SLC3A1: variants seen among roughly 807,000 people sequenced by gnomAD.
SLC3A1 encodes the protein amino acid transporter heavy chain SLC3A1.
SLC3A1 carries 78 observed loss-of-function variants against 60.3 expected under a neutral mutation model. The observed-to-expected ratio is 1.29, with a 90% CI of 1.08 to 1.56. The LOEUF is 1.56. Ranked by LOEUF, SLC3A1 falls within the 40% of genes most tolerant of loss-of-function variation. SLC3A1 has a pLI of 0.00. For missense variants in SLC3A1, 1,172 were observed against 858.9 expected, an observed-to-expected ratio of 1.36 and a Z score of -4.56; for synonymous variants, 392 against 307.9, an observed-to-expected ratio of 1.27 and a Z score of -2.86.
intron 9 of SLC3A1, chr2:44,319,447 T>C (rs948014518): frequency 6.6e-6 from 1 of 152,424 alleles, no homozygotes; most frequent in Admixed American, 6.5e-5. Context: ...TGAAAGGGCA[T>C]GGCTGAGTAT....
At chr2:44,281,259 A>T in intron 2 of SLC3A1, 128 bp from the exon 3 acceptor site, 2 of 818,972 alleles carry the variant, frequency 2.4e-6, no homozygotes, top group Non-Finnish European at 4.1e-6. Flanking sequence ...CCTGGGCTCA[A>T]GCAATCCTCC....
At chr2:44,321,780 G>T, downstream of SLC3A1, 1 of 1,613,632 alleles carries the variant, frequency 6.2e-7, no homozygotes, top group Non-Finnish European at 8.5e-7. Flanking sequence ...AAAACAACAT[G>T]TATCTAGTTC....
In SLC3A1 at chr2:44,286,019, C is replaced by T. The variant is rs1279423281; in HGVS notation, c.766-13C>T. On this transcript the variant is annotated splice_polypyrimidine_tract_variant and intron_variant, in intron 3 of 9. Coordinates refer to ENST00000260649, the MANE Select transcript of SLC3A1 (RefSeq NM_000341.4). ...TTATAGGTCACTGATGTGCTGTTTTCTTTGTTTGCCAGTTAAGTGTGTATG... is the reference window on the plus strand; with the variant it reads ...TTATAGGTCACTGATGTGCTGTTTTTTTTGTTTGCCAGTTAAGTGTGTATG... The T allele has an allele frequency of 5.6e-6, 9 of 1,613,924 alleles. No individual in the cohort carries two copies. Among genetic ancestry groups the T allele is most frequent in the Non-Finnish European group, 7.6e-6 (9 of 1,179,942 alleles).
At chr2:44,280,403 TA>T (rs1489677875) in intron 1 of SLC3A1, among the ~76,000 whole-genome samples, 1 of 152,142 alleles carries the variant, frequency 6.6e-6, no homozygotes, top group African/African-American at 2.4e-5. Context: ...TGTACCCAGC[TA>T]ATTTTTGTAT....
At chr2:44,310,759 A>G (rs886077046) in intron 7 of SLC3A1, among the ~76,000 whole-genome samples, 1 of 150,660 alleles carries the variant, frequency 6.6e-6, no homozygotes. Flanking sequence ...CCCATTATGC[A>G]TATGTTGGTA....
At chr2:44,316,680 C>A (rs748701866) in intron 9 of SLC3A1, among the ~76,000 whole-genome samples, 14 of 152,080 alleles carry the variant, frequency 9.2e-5, no homozygotes, top group Non-Finnish European at 1.6e-4. Context: ...AAATAGATTG[C>A]CTGAGAAAAG....
At chr2:44,299,427 T>C (rs2104361716) in intron 4 of SLC3A1, among the ~76,000 whole-genome samples, 1 of 152,348 alleles carries the variant, frequency 6.6e-6, no homozygotes, top group Non-Finnish European at 1.5e-5. Context: ...AGTTATTTAC[T>C]TGGTTGATGG....
At position 44,320,662 on chromosome 2, in the gene SLC3A1, A is replaced by G. The variant is rs767011523; in HGVS notation, c.*23A>G. On this transcript the variant is annotated 3_prime_UTR_variant, in exon 10 of 10. Transcript: ENST00000260649. ...TAGGCACCTTTATGAAGAGATGAAG[A>G]CACTGGCATTTCAGTGGGATTGTAA... The G allele has an allele frequency of 6.3e-6, 10 of 1,579,254 alleles. No individual in the cohort carries two copies. Among genetic ancestry groups the G allele is most frequent in the Non-Finnish European group, 8.7e-6 (10 of 1,148,528 alleles).
In SLC3A1 at chr2:44,280,789, G is replaced by A. The variant is rs747172398; in HGVS notation, c.504G>A (p.Ser168=). The change falls in exon 2 of 10, where the codon TCG becomes TCA. Residue 168 remains serine (S), a synonymous_variant. Coordinates refer to ENST00000260649, the MANE Select transcript of SLC3A1 (RefSeq NM_000341.4). ...TTTGGATTACTTCATTTTATAAATC[G>A]TCCCTTAAAGATTTCAGATATGGTG... ...KTVWITSFYK[S]SLKDFRYGVE... is the part of the protein sequence containing the mutation. The A allele has an allele frequency of 1.2e-5, 20 of 1,611,350 alleles. 1 individual carries two copies. The highest frequency in any genetic ancestry group is 3.3e-4 in the Middle Eastern group (2 of 6,078).
intron 3 of SLC3A1, 143 bp downstream of exon 3, chr2:44,281,684 A>C: frequency 1.3e-6 from 1 of 765,126 alleles, no homozygotes; most frequent in South Asian, 1.6e-5. Flanking sequence ...AATAGAAATA[A>C]GGTTTCCAGT....
rs1022843154 is a variant in SLC3A1 at position 44,281,542 on chromosome 2, G to A, written c.765+1G>A. The A allele has an allele frequency of 1.9e-6, 3 of 1,613,820 alleles. No homozygotes were observed. The highest frequency in any genetic ancestry group is 2.5e-6 in the Non-Finnish European group (3 of 1,179,840). On this transcript the variant is annotated splice_donor_variant, in intron 3 of 9. Coordinates refer to ENST00000260649, the MANE Select transcript of SLC3A1 (RefSeq NM_000341.4). LOFTEE classifies it high-confidence loss of function. ...CAAAACCATTCCACCCAACAACTGG[G>A]TAAGTATCAACCTGTCTGACTTACA...
intron 1 of SLC3A1, 26 bp downstream of exon 1, chr2:44,275,991 T>G (rs1296595729): frequency 6.2e-7 from 1 of 1,605,644 alleles, no homozygotes; most frequent in Non-Finnish European, 8.5e-7. Flanking sequence ...TCATTTAGGG[T>G]GGGTGCCAGG....
In SLC3A1 at chr2:44,320,295, C is replaced by T; in HGVS notation, c.1714C>T (p.His572Tyr). The T allele has an allele frequency of 6.2e-7, 1 of 1,614,090 alleles. No homozygotes were observed. The highest frequency in any genetic ancestry group is 8.5e-7 in the Non-Finnish European group (1 of 1,179,950). Residue 572 changes from histidine to tyrosine, a missense_variant, in exon 10 of 10, where the codon CAT becomes TAT. His to Tyr is a moderately conservative substitution (Grantham distance 83, BLOSUM62 2). Coordinates refer to ENST00000260649, the MANE Select transcript of SLC3A1 (RefSeq NM_000341.4). ...ACTCCTCAACAGGGGCTGGTTTTGC[C>T]ATTTGAGGAATGACAGCCACTATGT... ...ELLLNRGWFC[H>Y]LRNDSHYVVY...
chr2:44,321,573 A>T (rs1672949299), downstream of SLC3A1: 1 of 1,497,776 alleles, frequency 6.7e-7, no homozygotes, highest in East Asian at 2.5e-5. Flanking sequence ...GAATACTTTC[A>T]TTCGAGAGAG....
intron 4 of SLC3A1, among the ~76,000 whole-genome samples, chr2:44,289,620 T>C (rs1202865909): frequency 6.6e-6 from 1 of 151,760 alleles, no homozygotes; most frequent in Non-Finnish European, 1.5e-5. Context: ...TTAATTTTGA[T>C]GATGTCCTAT....
intron 7 of SLC3A1, among the ~76,000 whole-genome samples, chr2:44,305,916 T>C (rs536567962): frequency 6.6e-6 from 1 of 152,236 alleles, no homozygotes; most frequent in Non-Finnish European, 1.5e-5. Flanking sequence ...ACCTATTGTA[T>C]ACTATAGCAC....
rs553790128 is a variant in SLC3A1, at chr2:44,275,911, A to G, written c.376A>G (p.Ile126Val). The G allele has an allele frequency of 1.2e-6, 2 of 1,614,238 alleles. No individual in the cohort carries two copies. Among genetic ancestry groups the G allele is most frequent in the South Asian group, 2.2e-5 (2 of 91,082 alleles). ...GTGGCAGGAGGGGCCCATGTACCAG[A>G]TCTACCCAAGGTCTTTCAAGGACAG... The part of the protein sequence containing the change: ...DWWQEGPMYQ[I>V]YPRSFKDSNK... Residue 126 changes from isoleucine to valine, a missense_variant, in exon 1 of 10, where the codon ATC becomes GTC. Coordinates refer to ENST00000260649, the MANE Select transcript of SLC3A1 (RefSeq NM_000341.4).
intron 4 of SLC3A1, among the ~76,000 whole-genome samples, chr2:44,294,938 C>T (rs1482093586): frequency 6.6e-6 from 1 of 152,076 alleles, no homozygotes; most frequent in African/African-American, 2.4e-5. Flanking sequence ...GAGACAGGGT[C>T]TCACTTTGTT....
intron 9 of SLC3A1, chr2:44,317,979 C>A (rs1672572260): frequency 7.2e-6 from 2 of 276,678 alleles, no homozygotes; most frequent in South Asian, 2.9e-5. Context: ...AAGCTTGCAA[C>A]CCAGCTATAG....
Sources: gnomAD v4.1 joint callset for allele counts (sites outside exome capture counted in the v4.1 genomes callset) on GRCh38, gnomAD v4.1.1 for gene constraint, MANE v1.5 for transcripts, NCBI Gene and HGNC (gene_info 2026-07-23, HGNC 2026-07-21) for gene names.